ACAD9: variants seen among roughly 807,000 people sequenced by gnomAD.
The protein encoded by ACAD9 is acyl-CoA dehydrogenase family member 9, also known as complex I assembly factor ACAD9, mitochondrial.
ACAD9 carries 53 observed loss-of-function variants against 70.2 expected under a neutral mutation model. The ratio of observed to expected loss-of-function variants is 0.75; its 90% CI spans 0.61 to 0.95. ACAD9 has a LOEUF of 0.95. Among genes scored for constraint, ACAD9 ranks in the 40% least tolerant of loss-of-function variants. The probability of loss-of-function intolerance (pLI) is 0.00; values close to 1 mark genes in which losing one functional copy is unlikely to be tolerated. For synonymous variants in ACAD9, 313 were observed against 312.1 expected, an observed-to-expected ratio of 1.00 and a Z score of -0.03; for missense variants, 777 against 802.8, an observed-to-expected ratio of 0.97 and a Z score of 0.39.
intron 17 of ACAD9, among the ~76,000 whole-genome samples, chr3:128,911,729 A>G (rs1936347233): frequency 1.3e-5 from 2 of 152,252 alleles, no homozygotes; most frequent in South Asian, 4.1e-4. Flanking sequence ...GGCATGAGCC[A>G]CTGTGCCCAG....
At chr3:128,903,615 G>C (rs1036063481) in intron 9 of ACAD9, among the ~76,000 whole-genome samples, 7 of 152,210 alleles carry the variant, frequency 4.6e-5, no homozygotes, top group African/African-American at 7.2e-5. Context: ...GCCCCAGCCT[G>C]AGTATTCAAG....
At chr3:128,908,096 G>A in intron 12 of ACAD9, 89 bp from the exon 13 acceptor site, 2 of 1,244,546 alleles carry the variant, frequency 1.6e-6, no homozygotes, top group Non-Finnish European at 2.4e-6. Context: ...TGGGCAAGCA[G>A]GCAGTGGCCG....
chr3:128,890,325 A>T (rs1010329803), intron 2 of ACAD9, among the ~76,000 whole-genome samples: 26 of 152,198 alleles, frequency 1.7e-4, no homozygotes, highest in African/African-American at 4.6e-4. Flanking sequence ...ACCTCAGGTG[A>T]TCTGCCCGAC....
chr3:128,909,290 G>A, intron 14 of ACAD9, 54 bp from the exon 15 acceptor site: 1 of 1,606,816 alleles, frequency 6.2e-7, no homozygotes, highest in Non-Finnish European at 8.5e-7. Context: ...CTGTGAGACA[G>A]GACAGGGCAC....
chr3:128,909,284 G>A (rs2107663058), intron 14 of ACAD9, 60 bp from the exon 15 acceptor site: 1 of 1,604,858 alleles, frequency 6.2e-7, no homozygotes, highest in African/African-American at 1.3e-5. Context: ...CCCGGGCTGT[G>A]AGACAGGACA....
rs560340443 is a variant in ACAD9 at position 128,902,991 on chromosome 3, A to T, written c.958+363A>T. ...ACACACCAAGAACCAGGCTTCCAGG[A>T]TACACGGCCTCTGGTTCCCAAGGTC... On this transcript the variant is annotated intron_variant, in intron 9 of 17. Coordinates refer to ENST00000308982, the MANE Select transcript of ACAD9 (RefSeq NM_014049.5). The surrounding 1 kb of genome is among the most constrained non-coding windows in gnomAD (Gnocchi z 4.0). 1.3e-5 allele frequency among the ~76,000 whole-genome samples: 2 copies of T among 152,022 alleles called. No homozygotes were observed. Among genetic ancestry groups the T allele is most frequent in the African/African-American group, 4.8e-5 (2 of 41,366 alleles).
intron 13 of ACAD9, chr3:128,908,701 C>T (rs1935989729): frequency 3.5e-6 from 2 of 567,084 alleles, no homozygotes; most frequent in African/African-American, 3.8e-5. Flanking sequence ...GTACAGGTTG[C>T]TAGTAGCATT....
intron 2 of ACAD9, among the ~76,000 whole-genome samples, chr3:128,887,314 A>G (rs1935278634): frequency 6.6e-6 from 1 of 152,138 alleles, no homozygotes; most frequent in East Asian, 1.9e-4. Context: ...ATGTAAATAT[A>G]TAAGAAACCG....
chr3:128,891,914 T>G (rs142086095), intron 2 of ACAD9, among the ~76,000 whole-genome samples: 29 of 152,380 alleles, frequency 1.9e-4, no homozygotes, highest in Non-Finnish European at 3.5e-4. Context: ...TTATACTGTT[T>G]ATTGAATTTG....
In ACAD9 at chr3:128,912,438, C is replaced by CCACTT. The variant is rs1936437625; in HGVS notation, c.1766-66_1766-62dup. The CCACTT allele has an allele frequency of 4.2e-6, 6 of 1,433,990 alleles. No individual in the cohort carries two copies. The Admixed American group carries it at 1.1e-4, about 26-fold the overall frequency. The allele number at this position is 1,433,990 out of a possible 1,614,324, so 88.8% of individuals were successfully genotyped here. The stretch of plus-strand genomic sequence containing the variant: ...GGGCTGACTTTGTGGAAAAATGCCC[C>CCACTT]CACTTCAGCCATGTTTGTCTTATCA... On this transcript the variant is annotated intron_variant, in intron 17 of 17. Transcript: ENST00000308982.
intron 1 of ACAD9, among the ~76,000 whole-genome samples, chr3:128,881,225 C>T (rs1935083200): frequency 6.6e-6 from 1 of 152,208 alleles, no homozygotes; most frequent in Non-Finnish European, 1.5e-5. Flanking sequence ...GTGTGGTGCT[C>T]TATCCTGGGA....
chr3:128,900,275 T>C (rs929882034), intron 7 of ACAD9, among the ~76,000 whole-genome samples: 2 of 152,094 alleles, frequency 1.3e-5, no homozygotes, highest in African/African-American at 4.8e-5. Context: ...TCTCGCTCTG[T>C]CGCCCAGGCT....
chr3:128,904,436 C>A lies in ACAD9; in HGVS notation c.1080C>A (p.Thr360=). The A allele has an allele frequency of 6.2e-7, 1 of 1,614,232 alleles. No homozygotes were observed. The highest frequency in any genetic ancestry group is 8.5e-7 in the Non-Finnish European group (1 of 1,180,042). ...AGGCTTACGTCATGGAGAGTATGAC[C>A]TACCTCACAGCAGGGATGCTGGACC... is the stretch of plus-strand genomic sequence containing the variant. ...AQKAYVMESM[T]YLTAGMLDQP... Residue 360 remains threonine (T), a synonymous_variant, in exon 11 of 18, where the codon ACC becomes ACA. Coordinates refer to ENST00000308982, the MANE Select transcript of ACAD9 (RefSeq NM_014049.5).
intron 15 of ACAD9, 188 bp downstream of exon 15, chr3:128,909,609 G>T (rs1261405572): frequency 4.5e-6 from 3 of 669,130 alleles, no homozygotes; most frequent in Admixed American, 2.6e-5. Flanking sequence ...ACTCGGATGG[G>T]TACCCTTGCT....
At chr3:128,884,613 C>T (rs762062780) in intron 1 of ACAD9, 40 bp from the exon 2 acceptor site, 1 of 1,489,916 alleles carries the variant, frequency 6.7e-7, no homozygotes, top group Non-Finnish European at 9.3e-7. Flanking sequence ...TGGGAGTGTG[C>T]TAAAAATTAA....
chr3:128,899,522 C>CGG lies in ACAD9; in HGVS notation c.808+62_808+63dup, dbSNP rs1205230030. The CGG allele has an allele frequency of 4.2e-4, 479 of 1,146,238 alleles. 4 individuals carry two copies. In the African/African-American group the frequency reaches 6.5e-3, roughly 16 times the overall value. The allele number at this position is 1,146,238 out of a possible 1,614,324, so 71.0% of individuals were successfully genotyped here. ...GTGTAAGGGGGAGACTGGCCTTTGA[C>CGG]GGTGTGTGTGTGTGTGTGTGTGTGT... On this transcript the variant is annotated intron_variant, in intron 7 of 17. Transcript: ENST00000308982.
rs1227691096 is a variant in ACAD9 at position 128,904,053 on chromosome 3, C to G, written c.959-9C>G. On this transcript the variant is annotated splice_polypyrimidine_tract_variant and intron_variant, in intron 9 of 17. Coordinates refer to ENST00000308982, the MANE Select transcript of ACAD9 (RefSeq NM_014049.5). ...TCCAGTTCATTCTAATAACTCTGCT[C>G]TTCCTCAGAAATGACTGCTGAGTAC... 6.2e-7 allele frequency: 1 copy of G among 1,613,814 alleles called. No individual in the cohort carries two copies. Among genetic ancestry groups the G allele is most frequent in the South Asian group, 1.1e-5 (1 of 91,076 alleles).
chr3:128,885,673 G>A (rs1935224365), intron 2 of ACAD9, among the ~76,000 whole-genome samples: 1 of 152,148 alleles, frequency 6.6e-6, no homozygotes. Context: ...GATTACAGGT[G>A]TGAGCCACCA....
intron 2 of ACAD9, among the ~76,000 whole-genome samples, chr3:128,888,451 C>T (rs114417154): frequency 0.02 from 3,073 of 152,118 alleles, 108 homozygotes; most frequent in African/African-American, 0.07. Flanking sequence ...TGTTGGTGCC[C>T]ACCTGTAATC....
Sources: gnomAD v4.1 joint callset for allele counts (sites outside exome capture counted in the v4.1 genomes callset) on GRCh38, gnomAD v4.1.1 for gene constraint, Gnocchi (gnomAD v3.1) non-coding constraint, MANE v1.5 for transcripts, NCBI Gene and HGNC (gene_info 2026-07-23, HGNC 2026-07-21) for gene names.